AMZ1: variants seen among roughly 807,000 people sequenced by gnomAD.
The protein encoded by AMZ1 is archaelysin family metallopeptidase 1.
AMZ1 carries 39 observed loss-of-function variants against 29.9 expected under a neutral mutation model. The observed-to-expected ratio is 1.30, with a 90% CI of 1.01 to 1.70. The LOEUF is 1.70. Ranked by LOEUF, AMZ1 falls within the 40% of genes most tolerant of loss-of-function variation. The pLI, the probability that AMZ1 is intolerant of heterozygous loss-of-function variation, is 0.00. For missense variants in AMZ1, 1,041 were observed against 680.6 expected (o/e 1.53, Z -5.89); for synonymous variants, 458 against 304.0 (o/e 1.51, Z -5.27).
At chr7:2,746,890 C>A (rs1404545830) in intron 4 of AMZ1, among the ~76,000 whole-genome samples, 6 of 152,190 alleles carry the variant, frequency 3.9e-5, no homozygotes, top group Non-Finnish European at 8.8e-5. Flanking sequence ...ACTATCAACA[C>A]CTCTACGCAA....
At chr7:2,695,101 C>T (rs1017060174) in intron 1 of AMZ1, among the ~76,000 whole-genome samples, 4 of 152,242 alleles carry the variant, frequency 2.6e-5, no homozygotes, top group Admixed American at 6.5e-5. Context: ...TCTGTCCTCA[C>T]GGCTCCTCCT....
At position 2,741,378 on chromosome 7, in the gene AMZ1, A is replaced by G. The variant is rs562773959; in HGVS notation, n.551-23334A>G. ...TCTTAAAAAAAACCCAAAAACCTAA[A>G]TAACAGGGCTAGGGGTGGGGAGAGC... On this transcript the variant is annotated intron_variant and non_coding_transcript_variant, in intron 4 of 4. Transcript: ENST00000489665. 1.8e-3 allele frequency among the ~76,000 whole-genome samples: 274 copies of G among 152,158 alleles called. 2 individuals are homozygous for G. The highest frequency in any genetic ancestry group is 6.0e-3 in the African/African-American group (249 of 41,536).
chr7:2,685,561 A>C (rs1216907409), upstream of AMZ1, among the ~76,000 whole-genome samples: 1 of 93,286 alleles, frequency 1.1e-5, no homozygotes, highest in Non-Finnish European at 1.8e-5. Flanking sequence ...CTCCGTCTCA[A>C]AAAAAAAAAA....
chr7:2,754,756 G>C (rs894872051), intron 4 of AMZ1, among the ~76,000 whole-genome samples: 1 of 152,056 alleles, frequency 6.6e-6, no homozygotes, highest in Non-Finnish European at 1.5e-5. Context: ...CTCAAAAGGA[G>C]GACTTTTGCA....
intron 1 of AMZ1, among the ~76,000 whole-genome samples, chr7:2,696,405 C>T (rs193086266): frequency 0.25 from 37,794 of 150,420 alleles, 5,430 homozygotes; most frequent in Middle Eastern, 0.39. Flanking sequence ...TACAGGCGCC[C>T]GCCACCACGC....
At chr7:2,764,335 A>T (rs2115408646), upstream of AMZ1, among the ~76,000 whole-genome samples, 1 of 151,198 alleles carries the variant, frequency 6.6e-6, no homozygotes, top group Non-Finnish European at 1.5e-5. Context: ...CTCCCATCTC[A>T]GCCTCCCAAA....
chr7:2,754,095 A>T (rs1275035843), intron 4 of AMZ1, among the ~76,000 whole-genome samples: 1 of 151,798 alleles, frequency 6.6e-6, no homozygotes, highest in Non-Finnish European at 1.5e-5. Flanking sequence ...CCAGTGATGA[A>T]TGAGACCCAG....
At chr7:2,759,180 T>TAAAC (rs1346572263) in intron 4 of AMZ1, among the ~76,000 whole-genome samples, 1 of 145,356 alleles carries the variant, frequency 6.9e-6, no homozygotes, top group Admixed American at 6.8e-5. Flanking sequence ...AATAAATAAA[T>TAAAC]AAATAAATAA....
At chr7:2,682,003 T>A (rs1252850642) in intron 1 of AMZ1, among the ~76,000 whole-genome samples, 1 of 152,098 alleles carries the variant, frequency 6.6e-6, no homozygotes, top group East Asian at 1.9e-4. Flanking sequence ...GGCCCCAGTT[T>A]ATGTGCTGGG....
At chr7:2,701,986 C>T (rs912158779) in intron 2 of AMZ1, 1 of 152,374 alleles carries the variant, frequency 6.6e-6, no homozygotes, top group Admixed American at 6.5e-5. Context: ...TGTTGAAACA[C>T]AGGGGCCGGG....
At chr7:2,683,598 T>C (rs564795731), upstream of AMZ1, among the ~76,000 whole-genome samples, 1 of 152,124 alleles carries the variant, frequency 6.6e-6, no homozygotes, top group East Asian at 1.9e-4. Flanking sequence ...CCACCACGCC[T>C]GGCTAATTTT....
rs1049023144 is a variant in AMZ1, at chr7:2,719,475, C to A, written c.*6597C>A. Among the ~76,000 whole-genome samples, 13 of 152,208 alleles carry A rather than the reference C, an allele frequency of 8.5e-5. No individual in the cohort carries two copies. The highest frequency in any genetic ancestry group is 3.1e-4 in the African/African-American group (13 of 41,434). On this transcript the variant is annotated 3_prime_UTR_variant, in exon 7 of 7. Transcript: ENST00000683327. ...GCCTCTCCCAACGGGAACGACTTAG[C>A]CCTAATTACATGAGCTTTGATCACC...
intron 1 of AMZ1, among the ~76,000 whole-genome samples, chr7:2,692,049 C>G (rs1443117510): frequency 6.6e-6 from 1 of 152,220 alleles, no homozygotes; most frequent in Non-Finnish European, 1.5e-5. Context: ...AGTGGAAGGT[C>G]TGGGAGCGAG....
chr7:2,700,347 G>A lies in AMZ1; in HGVS notation c.-105G>A, dbSNP rs1264999439. 6 of 1,360,922 alleles carry A rather than the reference G, an allele frequency of 4.4e-6. No individual in the cohort carries two copies. Among genetic ancestry groups the A allele is most frequent in the African/African-American group, 2.9e-5 (2 of 68,550 alleles). The allele number at this position is 1,360,922 out of a possible 1,614,324, so 84.3% of individuals were successfully genotyped here. On this transcript the variant is annotated 5_prime_UTR_variant, in exon 2 of 7. Transcript: ENST00000683327. ...TGCAGGGAGCCCCCGGTAGCCACTCGGATCAGCCCGAGGGAAGATTCTGGA... is the reference window on the plus strand; with the variant it reads ...TGCAGGGAGCCCCCGGTAGCCACTCAGATCAGCCCGAGGGAAGATTCTGGA...
upstream of AMZ1, among the ~76,000 whole-genome samples, chr7:2,759,862 C>T (rs1161615743): frequency 2.0e-5 from 3 of 147,364 alleles, no homozygotes; most frequent in Admixed American, 1.3e-4. Context: ...ATTGTCCGCC[C>T]CCGTCTCAGA....
intron 4 of AMZ1, among the ~76,000 whole-genome samples, chr7:2,749,612 G>C (rs569911579): frequency 6.6e-6 from 1 of 152,078 alleles, no homozygotes; most frequent in Non-Finnish European, 1.5e-5. Flanking sequence ...GTATACATAT[G>C]TAACAAACCT....
At chr7:2,701,647 A>T (rs1007549092) in intron 2 of AMZ1, among the ~76,000 whole-genome samples, 1 of 152,194 alleles carries the variant, frequency 6.6e-6, no homozygotes, top group African/African-American at 2.4e-5. Flanking sequence ...AGCACACGGG[A>T]CGGGGGCCCT....
At chr7:2,758,705 C>T (rs534074479) in intron 4 of AMZ1, among the ~76,000 whole-genome samples, 2 of 152,268 alleles carry the variant, frequency 1.3e-5, no homozygotes, top group South Asian at 2.1e-4. Flanking sequence ...TGTGTAGCAG[C>T]GTGCCCCTAA....
Position 2,754,835 on chromosome 7 carries a change from T to C in AMZ1, n.551-9877T>C, listed in dbSNP as rs1026561268. On this transcript the variant is annotated intron_variant and non_coding_transcript_variant, in intron 4 of 4. Transcript: ENST00000489665. ...TCAAAATTTGATTTCAACGGATCAC[T>C]AGGGCGTCATGTCTAAGAATTCTTC... Among the ~76,000 whole-genome samples, 31 of 152,336 alleles carry C rather than the reference T, an allele frequency of 2.0e-4. No homozygotes were observed. The East Asian group carries it at 5.4e-3, about 27-fold the overall frequency.
Sources: gnomAD v4.1 joint callset for allele counts (sites outside exome capture counted in the v4.1 genomes callset) on GRCh38, gnomAD v4.1.1 for gene constraint, MANE v1.5 for transcripts, NCBI Gene and HGNC (gene_info 2026-07-23, HGNC 2026-07-21) for gene names.